SLC30A6: variants seen among roughly 807,000 people sequenced by gnomAD.
SLC30A6 encodes zinc transporter 6.
In SLC30A6, 55 loss-of-function variants were observed where a neutral mutation model predicts 63.0. The observed-to-expected ratio is 0.87, with a 90% CI of 0.70 to 1.09. The LOEUF is 1.09. Ranked by LOEUF, SLC30A6 falls within the 50% of genes least tolerant of loss-of-function variation. SLC30A6 has a pLI of 0.00. For missense variants in SLC30A6, 587 were observed against 549.2 expected (o/e 1.07, Z -0.69); for synonymous variants, 224 against 186.1 (o/e 1.20, Z -1.66).
intron 8 of SLC30A6, 57 bp downstream of exon 8, chr2:32,194,040 GC>G (rs1683568173): frequency 7.0e-7 from 1 of 1,427,238 alleles, no homozygotes; most frequent in Middle Eastern, 2.0e-4. Context: ...ATAAAAACAA[GC>G]CTTTTGTTTG....
At chr2:32,197,909 A>G in intron 10 of SLC30A6, 83 bp downstream of exon 10, 2 of 1,533,420 alleles carry the variant, frequency 1.3e-6, no homozygotes, top group Admixed American at 3.7e-5. Flanking sequence ...GATAGTGGTC[A>G]AGCTTCTAGC....
Position 32,204,694 on chromosome 2 carries a change from TA to T in SLC30A6, c.768+4del, listed in dbSNP as rs1181055947. 4.4e-6 allele frequency: 7 copies of T among 1,587,172 alleles called. No homozygotes were observed. Among genetic ancestry groups the T allele is most frequent in the Non-Finnish European group, 6.0e-6 (7 of 1,161,106 alleles). On this transcript the variant is annotated splice_donor_region_variant and intron_variant, in intron 11 of 13. Transcript: ENST00000282587. ...TACAGTGGGAAAGTCTTACTCCAGG[TA>T]AGGTGCTTCTTCCAATGCACGTGCT... is the stretch of plus-strand genomic sequence containing the variant.
intron 13 of SLC30A6, among the ~76,000 whole-genome samples, chr2:32,218,941 T>C (rs1685933352): frequency 6.6e-6 from 1 of 152,256 alleles, no homozygotes; most frequent in South Asian, 2.1e-4. Flanking sequence ...TTCTGAACTC[T>C]GATTATTTAT....
At chr2:32,177,051 G>T (rs1437391935) in intron 4 of SLC30A6, among the ~76,000 whole-genome samples, 1 of 151,810 alleles carries the variant, frequency 6.6e-6, no homozygotes, top group Non-Finnish European at 1.5e-5. Context: ...GGGATTACAG[G>T]TGTGAGCCAC....
chr2:32,165,987 C>T, intron 1 of SLC30A6, 84 bp downstream of exon 1: 4 of 1,594,570 alleles, frequency 2.5e-6, no homozygotes, highest in East Asian at 2.2e-5. Context: ...TGAAATCCCT[C>T]AGCCACCCAG....
rs551494712 is a variant in SLC30A6 at position 32,221,865 on chromosome 2, C to G, written c.*1152C>G. On this transcript the variant is annotated 3_prime_UTR_variant, in exon 14 of 14. Transcript: ENST00000282587. ...ATACTGACATAATGAATTTATCTTT[C>G]CTGACACATTTTCATTCATTGGCTT... is the stretch of plus-strand genomic sequence containing the variant. The G allele has an allele frequency of 6.6e-6, 1 of 152,216 alleles. No homozygotes were observed. Among genetic ancestry groups the G allele is most frequent in the African/African-American group, 2.4e-5 (1 of 41,528 alleles). 9.4% of individuals were successfully genotyped at this position (152,216 alleles called of 1,614,324 possible).
At chr2:32,181,402 A>G (rs1012894739) in intron 4 of SLC30A6, among the ~76,000 whole-genome samples, 1 of 152,220 alleles carries the variant, frequency 6.6e-6, no homozygotes, top group Non-Finnish European at 1.5e-5. Context: ...GTGAAAAAAC[A>G]TGTACTTCTT....
intron 4 of SLC30A6, 107 bp from the exon 5 acceptor site, chr2:32,184,164 CTG>C (rs1682599770): frequency 5.2e-6 from 2 of 381,914 alleles, no homozygotes; most frequent in Non-Finnish European, 9.6e-6. Flanking sequence ...TTAATTTAGT[CTG>C]TGCAAACACA....
rs73922707 is a variant in SLC30A6 at position 32,201,337 on chromosome 2, A to C, written c.666-3253A>C. On this transcript the variant is annotated intron_variant, in intron 10 of 13. Coordinates refer to ENST00000282587, the MANE Select transcript of SLC30A6 (RefSeq NM_017964.5). ...AGTTTGAATTGTTGATGTTGACTAC[A>C]GTGTTACCATAAAAAATTCCTGGAG... 7.3e-3 allele frequency among the ~76,000 whole-genome samples: 1,112 copies of C among 152,306 alleles called. 8 individuals are homozygous for C. Among genetic ancestry groups the C allele is most frequent in the African/African-American group, 0.025 (1,052 of 41,568 alleles).
At position 32,175,374 on chromosome 2, in the gene SLC30A6, G is replaced by T. The variant is rs1681641559; in HGVS notation, c.218+13G>T. 2 of 1,608,884 alleles carry T rather than the reference G, an allele frequency of 1.2e-6. No homozygotes were observed. Among genetic ancestry groups the T allele is most frequent in the Non-Finnish European group, 8.5e-7 (1 of 1,178,136 alleles). The stretch of plus-strand genomic sequence containing the variant: ...TTGATCTTTTTAGGTAAGTTTTTAG[G>T]AAATCTTAATGTTTTGGAGCTAATA... On this transcript the variant is annotated intron_variant, in intron 4 of 13. Transcript: ENST00000282587.
intron 4 of SLC30A6, among the ~76,000 whole-genome samples, chr2:32,181,055 A>G (rs1478030698): frequency 1.3e-5 from 2 of 152,348 alleles, no homozygotes; most frequent in East Asian, 3.9e-4. Flanking sequence ...TTAAGTGTTA[A>G]TAAATGCTAC....
At chr2:32,193,644 G>A (rs993381795) in intron 7 of SLC30A6, among the ~76,000 whole-genome samples, 9 of 152,048 alleles carry the variant, frequency 5.9e-5, no homozygotes, top group East Asian at 3.8e-4. Flanking sequence ...TTATAACAGC[G>A]TTTACCTGTA....
rs1303104429 is a variant in SLC30A6 at position 32,216,575 on chromosome 2, AAATAAAT to A, written c.886-3632_886-3626del. ...TAAATAAATAAATAAATAAATAAAT[AAATAAAT>A]AATAATAATGATAGTAGCCATTCTG... On this transcript the variant is annotated intron_variant, in intron 13 of 13. Transcript: ENST00000282587. Among the ~76,000 whole-genome samples, 100 of 144,370 alleles carry A rather than the reference AAATAAAT, an allele frequency of 6.9e-4. 1 individual carries two copies. The highest frequency in any genetic ancestry group is 3.1e-3 in the Admixed American group (44 of 14,402). The allele number at this position is 144,370 out of a possible 152,430, so 94.7% of individuals were successfully genotyped here.
At chr2:32,186,825 G>T (rs1036862569) in intron 5 of SLC30A6, among the ~76,000 whole-genome samples, 3 of 151,442 alleles carry the variant, frequency 2.0e-5, no homozygotes, top group African/African-American at 7.3e-5. Flanking sequence ...GCGAGACCCC[G>T]TCTCTACAAA....
chr2:32,220,156 A>C, intron 13 of SLC30A6, 57 bp from the exon 14 acceptor site: 1 of 1,521,480 alleles, frequency 6.6e-7, no homozygotes, highest in Non-Finnish European at 8.8e-7. Flanking sequence ...TTATCTAATG[A>C]ATTTTTTGTT....
intron 4 of SLC30A6, among the ~76,000 whole-genome samples, chr2:32,176,655 C>G (rs1168433739): frequency 1.4e-5 from 2 of 146,462 alleles, no homozygotes; most frequent in East Asian, 2.0e-4. Context: ...GAGATTCCAT[C>G]TCAAAAAAAA....
At chr2:32,171,217 A>C in intron 1 of SLC30A6, 70 bp from the exon 2 acceptor site, 1 of 1,277,272 alleles carries the variant, frequency 7.8e-7, no homozygotes, top group Non-Finnish European at 1.1e-6. Context: ...AGGAACCACT[A>C]TATCATATCA....
At position 32,217,055 on chromosome 2, in the gene SLC30A6, AT is replaced by A. The variant is rs796311676; in HGVS notation, c.886-3143del. 2.4e-3 allele frequency among the ~76,000 whole-genome samples: 340 copies of A among 143,986 alleles called. 1 individual carries two copies. The highest frequency in any genetic ancestry group is 3.5e-3 in the Middle Eastern group (1 of 284). The allele number at this position is 143,986 out of a possible 152,430, so 94.5% of individuals were successfully genotyped here. ...AGGCATTTGCCACCACGCCCGGCAA[AT>A]TTTTTTTTTTTTTTCCATTTTTGTA... On this transcript the variant is annotated intron_variant, in intron 13 of 13. Transcript: ENST00000282587.
At chr2:32,193,743 T>C (rs2148856386) in intron 7 of SLC30A6, 146 bp from the exon 8 acceptor site, 1 of 609,872 alleles carries the variant, frequency 1.6e-6, no homozygotes, top group East Asian at 2.9e-5. Flanking sequence ...GGCTAGTAAC[T>C]AAGTTCAGAT....
Sources: gnomAD v4.1 joint callset for allele counts (sites outside exome capture counted in the v4.1 genomes callset) on GRCh38, gnomAD v4.1.1 for gene constraint, MANE v1.5 for transcripts, NCBI Gene and HGNC (gene_info 2026-07-23, HGNC 2026-07-21) for gene names.